The following UNC79 variants were observed in gnomAD, a reference collection of about 807,000 sequenced individuals.
The protein encoded by UNC79 is protein unc-79 homolog.
Under a neutral mutation model 283.1 loss-of-function variants are expected in UNC79, and 37 were observed. The ratio of observed to expected loss-of-function variants is 0.13; its 90% CI spans 0.10 to 0.17. UNC79 has a LOEUF of 0.17. UNC79 is among the 10% of genes least tolerant of loss of function. The pLI is 1.00. For synonymous variants in UNC79, 1,107 were observed against 1,200.2 expected (o/e 0.92, Z 1.61); for missense variants, 2,272 against 3,211.1 (o/e 0.71, Z 7.07).
intron 34 of UNC79, among the ~76,000 whole-genome samples, chr14:93,644,336 C>T (rs866484564): frequency 1.3e-5 from 2 of 152,182 alleles, no homozygotes; most frequent in African/African-American, 4.8e-5. Flanking sequence ...GAAGAAAGCT[C>T]AAATTCAATA....
intron 12 of UNC79, among the ~76,000 whole-genome samples, chr14:93,539,509 A>G (rs891217182): frequency 6.6e-6 from 1 of 151,846 alleles, no homozygotes; most frequent in Non-Finnish European, 1.5e-5. Flanking sequence ...AGACAGAGCA[A>G]GACTCCGTCT....
intron 14 of UNC79, among the ~76,000 whole-genome samples, chr14:93,555,672 G>A (rs1308786033): frequency 6.6e-6 from 1 of 152,090 alleles, no homozygotes; most frequent in African/African-American, 2.4e-5. Flanking sequence ...CCAAAGTGCT[G>A]GGATTACAGG....
chr14:93,443,336 A>C (rs774925357), intron 1 of UNC79, among the ~76,000 whole-genome samples: 3 of 151,672 alleles, frequency 2.0e-5, no homozygotes, highest in Non-Finnish European at 2.9e-5. Context: ...CCAGGAAGAC[A>C]TTGCTTTTCT....
rs555221520 is a variant in UNC79 at position 93,351,122 on chromosome 14, A to G, written c.-351+17599A>G. ...TAAAGCCCATTTATGGGCTTCCCATAAAGAGAAGCAATTACACTGCAGGAA... is the reference window on the plus strand; with the variant it reads ...TAAAGCCCATTTATGGGCTTCCCATGAAGAGAAGCAATTACACTGCAGGAA... On this transcript the variant is annotated intron_variant, in intron 1 of 49. Coordinates refer to the UNC79 transcript ENST00000256339. 2.6e-5 allele frequency among the ~76,000 whole-genome samples: 4 copies of G among 152,316 alleles called. No individual in the cohort carries two copies. The South Asian group carries it at 8.3e-4, about 32-fold the overall frequency.
intron 26 of UNC79, among the ~76,000 whole-genome samples, chr14:93,603,947 C>T (rs1179345455): frequency 6.6e-6 from 1 of 151,884 alleles, no homozygotes; most frequent in Non-Finnish European, 1.5e-5. Context: ...TCATCTTCAC[C>T]AGATAATTTA....
intron 1 of UNC79, among the ~76,000 whole-genome samples, chr14:93,400,169 A>G (rs566201846): frequency 6.6e-6 from 1 of 152,266 alleles, no homozygotes; most frequent in South Asian, 2.1e-4. Flanking sequence ...GAAATATTTT[A>G]TGCTCCTTTA....
At chr14:93,689,991 G>A in intron 44 of UNC79, 126 bp from the exon 48 acceptor site, 1 of 987,810 alleles carries the variant, frequency 1.0e-6, no homozygotes, top group Non-Finnish European at 1.5e-6. Context: ...AATTGCCTTG[G>A]CGTTTTGTTT....
chr14:93,528,664 TA>T lies in UNC79; in HGVS notation c.1052+21del, dbSNP rs774332813. 6.2e-6 allele frequency: 10 copies of T among 1,607,130 alleles called. No individual in the cohort carries two copies. The highest frequency in any genetic ancestry group is 8.5e-6 in the Non-Finnish European group (10 of 1,174,802). ...ATTGCAGGGTAGGTATAAGAGTTCT[TA>T]AAGAAAAGGAAATAGGACAACAATA... On this transcript the variant is annotated intron_variant, in intron 9 of 48. Coordinates refer to ENST00000555664, the Ensembl canonical transcript of UNC79.
chr14:93,477,814 C>T (rs1024947732), intron 4 of UNC79, 86 bp downstream of exon 4: 17 of 1,304,440 alleles, frequency 1.3e-5, no homozygotes, highest in Middle Eastern at 2.1e-4. Context: ...TCTAGTTTTT[C>T]GAGATTATAA....
At chr14:93,683,097 T>A (rs925815056) in intron 42 of UNC79, among the ~76,000 whole-genome samples, 3 of 152,188 alleles carry the variant, frequency 2.0e-5, no homozygotes, top group Non-Finnish European at 4.4e-5. Context: ...ACCATTTCTT[T>A]ATAATAGATT....
chr14:93,573,661 A>T (rs376505190), intron 16 of UNC79, among the ~76,000 whole-genome samples: 2 of 152,212 alleles, frequency 1.3e-5, no homozygotes, highest in East Asian at 3.8e-4. Flanking sequence ...TTTCGAAACT[A>T]AAGAGCAATA....
intron 1 of UNC79, among the ~76,000 whole-genome samples, chr14:93,449,618 T>TAA: frequency 7.3e-6 from 1 of 136,638 alleles, no homozygotes; most frequent in Admixed American, 7.4e-5. Flanking sequence ...ACCTTGTCTC[T>TAA]AAAAAAAAAA....
At chr14:93,424,287 A>G (rs2140076717) in intron 1 of UNC79, among the ~76,000 whole-genome samples, 1 of 152,298 alleles carries the variant, frequency 6.6e-6, no homozygotes, top group South Asian at 2.1e-4. Flanking sequence ...TAGTATAACC[A>G]CTATGGAGGA....
chr14:93,430,656 T>C lies in UNC79; in HGVS notation c.-374T>C, dbSNP rs774271700. The C allele has an allele frequency of 2.0e-4, 36 of 184,210 alleles. No individual in the cohort carries two copies. Among genetic ancestry groups the C allele is most frequent in the Non-Finnish European group, 2.9e-4 (25 of 86,468 alleles). The allele number at this position is 184,210 out of a possible 1,614,324, so 11.4% of individuals were successfully genotyped here. The stretch of plus-strand genomic sequence containing the variant: ...GAAACACCCGTCCCCTCCGTGCGCC[T>C]TATGAATGGAAATACTCCTCCCCCG... On this transcript the variant is annotated 5_prime_UTR_variant, in exon 1 of 49. Coordinates refer to ENST00000555664, the Ensembl canonical transcript of UNC79. This position sits in a 1 kb window ranked among gnomAD's most constrained non-coding sequence, Gnocchi z 4.6.
rs1445214311 is a variant in UNC79, at chr14:93,688,892, C to G, written c.7085+52C>G. The stretch of plus-strand genomic sequence containing the variant: ...AGGGTAAAGAAGGCAGGAGACACCC[C>G]TGAGTTTCCTCGGGCTCAGCTAGAG... On this transcript the variant is annotated intron_variant, in intron 44 of 48. Coordinates refer to ENST00000555664, the Ensembl canonical transcript of UNC79. The surrounding 1 kb of genome is among the most constrained non-coding windows in gnomAD (Gnocchi z 4.0). The G allele has an allele frequency of 1.3e-6, 2 of 1,577,032 alleles. No homozygotes were observed. Among genetic ancestry groups the G allele is most frequent in the Admixed American group, 3.5e-5 (2 of 56,452 alleles).
chr14:93,402,276 CAAAA>C (rs1232880016), intron 1 of UNC79, among the ~76,000 whole-genome samples: 33 of 64,990 alleles, frequency 5.1e-4, no homozygotes, highest in Admixed American at 4.0e-3. Flanking sequence ...GACTCTGTCT[CAAAA>C]AAAAAAAAAA....
chr14:93,673,768 C>T (rs1333290004), intron 41 of UNC79, among the ~76,000 whole-genome samples: 1 of 152,054 alleles, frequency 6.6e-6, no homozygotes, highest in Non-Finnish European at 1.5e-5. Flanking sequence ...AGGTCAGTCA[C>T]CAGAGCTGAG....
At chr14:93,568,668 T>C (rs2063041116) in intron 14 of UNC79, among the ~76,000 whole-genome samples, 1 of 151,446 alleles carries the variant, frequency 6.6e-6, no homozygotes, top group Non-Finnish European at 1.5e-5. Context: ...CGAAACTCCG[T>C]CTCAAAAAAA....
intron 1 of UNC79, among the ~76,000 whole-genome samples, chr14:93,457,573 G>A (rs1478630392): frequency 6.6e-6 from 1 of 152,236 alleles, no homozygotes; most frequent in Admixed American, 6.5e-5. Flanking sequence ...ACTGAAGTGT[G>A]GGACACAAGG....
Sources: allele counts gnomAD v4.1 joint callset (sites outside exome capture counted in the v4.1 genomes callset), GRCh38; gene constraint gnomAD v4.1.1; non-coding constraint Gnocchi (gnomAD v3.1); transcripts MANE v1.5; gene names NCBI Gene and HGNC (gene_info 2026-07-23, HGNC 2026-07-21).